The following MYO18B variants were observed in gnomAD, a reference collection of about 807,000 sequenced individuals.
The protein encoded by MYO18B is myosin XVIIIB.
Under a neutral mutation model 273.0 loss-of-function variants are expected in MYO18B, and 204 were observed. The observed-to-expected ratio is 0.75, with a 90% confidence interval of 0.67 to 0.84. The LOEUF (loss-of-function observed/expected upper bound fraction) is 0.84. Among genes scored for constraint, MYO18B ranks in the 40% least tolerant of loss-of-function variants. The probability of loss-of-function intolerance (pLI) is 0.00; values close to 1 mark genes in which losing one functional copy is unlikely to be tolerated. For missense variants in MYO18B, 3,212 were observed against 3,287.6 expected (o/e 0.98, Z 0.56); for synonymous variants, 1,330 against 1,305.7 (o/e 1.02, Z -0.40).
chr22:25,762,458 G>C (rs1568979191), intron 2 of MYO18B, among the ~76,000 whole-genome samples: 2 of 152,268 alleles, frequency 1.3e-5, no homozygotes, highest in Non-Finnish European at 2.9e-5. Flanking sequence ...GCAGGCTAAA[G>C]ACACACTTCA....
chr22:25,806,210 C>G (rs1601751359), intron 12 of MYO18B, among the ~76,000 whole-genome samples: 2 of 152,304 alleles, frequency 1.3e-5, no homozygotes. Context: ...GGGTTGTGCA[C>G]TTAATCACAT....
chr22:25,801,791 G>A (rs2088207271), intron 12 of MYO18B, among the ~76,000 whole-genome samples: 1 of 152,120 alleles, frequency 6.6e-6, no homozygotes. Flanking sequence ...GGACTGTTAC[G>A]ATGCCCATTT....
At chr22:25,938,700 A>G (rs958587093) in intron 34 of MYO18B, among the ~76,000 whole-genome samples, 5 of 152,214 alleles carry the variant, frequency 3.3e-5, no homozygotes, top group African/African-American at 7.2e-5. Flanking sequence ...TGATCCTCCT[A>G]TGGGTAAGGA....
chr22:25,966,728 T>C (rs1330140391), intron 39 of MYO18B, among the ~76,000 whole-genome samples: 1 of 152,200 alleles, frequency 6.6e-6, no homozygotes, highest in East Asian at 1.9e-4. Flanking sequence ...GGCACTGTGG[T>C]TTCCTGTTTG....
At chr22:25,884,380 C>T (rs2091435165) in intron 25 of MYO18B, among the ~76,000 whole-genome samples, 3 of 152,198 alleles carry the variant, frequency 2.0e-5, no homozygotes, top group African/African-American at 2.4e-5. Context: ...CTGTGAGGAA[C>T]TGGACTGGTA....
intron 36 of MYO18B, 118 bp downstream of exon 36, chr22:25,947,946 T>C: frequency 1.4e-6 from 1 of 711,108 alleles, no homozygotes. Context: ...GAGGGATAAG[T>C]GCACAGAGAT....
At chr22:26,041,352 C>CAAAAAAAAAAA in the MYO18B span, among the ~76,000 whole-genome samples, 10 of 62,168 alleles carry the variant, frequency 1.6e-4, no homozygotes, top group African/African-American at 2.4e-4. Context: ...CTGTCTCTAC[C>CAAAAAAAAAAA]AAAAAAAAAA....
At chr22:25,910,471 A>G (rs963072568) in intron 32 of MYO18B, among the ~76,000 whole-genome samples, 3 of 152,214 alleles carry the variant, frequency 2.0e-5, no homozygotes, top group Non-Finnish European at 4.4e-5. Flanking sequence ...TTAGGGTTTC[A>G]CCATATGAAT....
intron 34 of MYO18B, among the ~76,000 whole-genome samples, chr22:25,923,351 G>A (rs1601586286): frequency 6.6e-6 from 1 of 152,224 alleles, no homozygotes; most frequent in African/African-American, 2.4e-5. Context: ...GGCAAGCCAG[G>A]ATGGCTGGTC....
intron 12 of MYO18B, among the ~76,000 whole-genome samples, chr22:25,803,953 C>T (rs2088335325): frequency 7.0e-6 from 1 of 143,476 alleles, no homozygotes; most frequent in Non-Finnish European, 1.5e-5. Context: ...AACATTTTAC[C>T]TCTTGACCCA....
chr22:25,814,390 G>A (rs1324581747), intron 12 of MYO18B, among the ~76,000 whole-genome samples: 1 of 131,112 alleles, frequency 7.6e-6, no homozygotes, highest in Non-Finnish European at 1.5e-5. Context: ...CACGATCTCG[G>A]CCCTCTGCAA....
rs954943543 is a variant in MYO18B, at chr22:25,784,674, G to A, written c.2313-754G>A. Reference sequence around the variant, plus strand: ...CGTGGGATTGGGGATCCTAGGCTGGGCTCTACAATGCTTTTGTGAGTAGAG... The same window carrying A: ...CGTGGGATTGGGGATCCTAGGCTGGACTCTACAATGCTTTTGTGAGTAGAG... On this transcript the variant is annotated intron_variant, in intron 10 of 43. Coordinates refer to ENST00000335473, the MANE Select transcript of MYO18B (RefSeq NM_032608.7). 5.9e-5 allele frequency among the ~76,000 whole-genome samples: 9 copies of A among 152,206 alleles called. 1 individual carries two copies. Among genetic ancestry groups the A allele is most frequent in the Admixed American group, 5.9e-4 (9 of 15,280 alleles).
intron 38 of MYO18B, among the ~76,000 whole-genome samples, chr22:25,954,872 C>G (rs185246663): frequency 1.3e-5 from 2 of 152,052 alleles, no homozygotes; most frequent in Non-Finnish European, 2.9e-5. Context: ...CCACCACGCC[C>G]GGCTAATTTT....
At chr22:25,985,895 G>A (rs6004871) in intron 39 of MYO18B, among the ~76,000 whole-genome samples, 4,861 of 152,220 alleles carry the variant, frequency 0.032, 95 homozygotes, top group Middle Eastern at 0.044. Context: ...GCCTCCTAAA[G>A]TGCTGGGATT....
Position 25,992,494 on chromosome 22 carries a change from G to T in MYO18B, c.6287+1G>T. The T allele has an allele frequency of 1.9e-6, 3 of 1,613,888 alleles. No individual in the cohort carries two copies. The highest frequency in any genetic ancestry group is 2.5e-6 in the Non-Finnish European group (3 of 1,179,862). ...CATCCAGTGACAGTGATACTGAGAG[G>T]TAACTTGCTAGGGGCTCGGCGGGGC... On this transcript the variant is annotated splice_donor_variant, in intron 40 of 43. Coordinates refer to ENST00000335473, the MANE Select transcript of MYO18B (RefSeq NM_032608.7). LOFTEE classifies it high-confidence loss of function.
At chr22:25,819,371 A>G (rs2089178273) in intron 12 of MYO18B, among the ~76,000 whole-genome samples, 1 of 152,240 alleles carries the variant, frequency 6.6e-6, no homozygotes, top group African/African-American at 2.4e-5. Flanking sequence ...GCAAGTGTTT[A>G]GAGAGCAGGC....
the MYO18B span, among the ~76,000 whole-genome samples, chr22:26,046,068 T>C: frequency 5.3e-5 from 8 of 152,220 alleles, no homozygotes; most frequent in African/African-American, 1.7e-4. Context: ...AGGCAACCCA[T>C]TTCCATTTAA....
intron 42 of MYO18B, among the ~76,000 whole-genome samples, chr22:26,010,023 A>G (rs1325239964): frequency 6.6e-6 from 1 of 152,188 alleles, no homozygotes; most frequent in Non-Finnish European, 1.5e-5. Context: ...GCCCTGTGTT[A>G]TCAGGATCAT....
At chr22:25,770,772 C>A in intron 5 of MYO18B, 100 bp from the exon 6 acceptor site, 1 of 812,082 alleles carries the variant, frequency 1.2e-6, no homozygotes, top group Non-Finnish European at 2.0e-6. Flanking sequence ...AGCTTGCTGG[C>A]CCGGCTTAGA....
Sources: gnomAD v4.1 joint callset for allele counts (sites outside exome capture counted in the v4.1 genomes callset) on GRCh38, gnomAD v4.1.1 for gene constraint, MANE v1.5 for transcripts, NCBI Gene and HGNC (gene_info 2026-07-23, HGNC 2026-07-21) for gene names.